Variants in ADAMTS3 observed in about 807,000 individuals in gnomAD.
The protein encoded by ADAMTS3 is A disintegrin and metalloproteinase with thrombospondin motifs 3.
Under a neutral mutation model 129.0 loss-of-function variants are expected in ADAMTS3, and 73 were observed. The ratio of observed to expected loss-of-function variants is 0.57; its 90% CI spans 0.47 to 0.69. The LOEUF is 0.69. ADAMTS3 is among the 30% of genes least tolerant of loss of function. The pLI is 0.00. For missense variants in ADAMTS3, 1,457 were observed against 1,514.5 expected (o/e 0.96, Z 0.63); for synonymous variants, 477 against 510.8 (o/e 0.93, Z 0.89).
intron 4 of ADAMTS3, among the ~76,000 whole-genome samples, chr4:72,383,349 G>A (rs1721349577): frequency 6.6e-6 from 1 of 152,212 alleles, no homozygotes; most frequent in African/African-American, 2.4e-5. Flanking sequence ...ACATGGGTGA[G>A]TTTTCTGATT....
At chr4:72,349,261 A>T (rs1165334206) in intron 4 of ADAMTS3, among the ~76,000 whole-genome samples, 1 of 152,008 alleles carries the variant, frequency 6.6e-6, no homozygotes, top group East Asian at 1.9e-4. Flanking sequence ...ATTAGGCCAC[A>T]ATTTCACTAA....
intron 3 of ADAMTS3, among the ~76,000 whole-genome samples, chr4:72,528,408 A>G (rs978950645): frequency 2.0e-5 from 3 of 151,970 alleles, no homozygotes; most frequent in African/African-American, 7.2e-5. Context: ...ATTGGAAGCA[A>G]TCAATATGTT....
chr4:72,444,383 T>C (rs758493255), intron 3 of ADAMTS3, among the ~76,000 whole-genome samples: 7 of 151,836 alleles, frequency 4.6e-5, no homozygotes, highest in Non-Finnish European at 8.9e-5. Flanking sequence ...TCCTGGACAT[T>C]TAAGGATAAA....
chr4:72,338,258 T>TA (rs1394188677), intron 5 of ADAMTS3, among the ~76,000 whole-genome samples: 1 of 152,166 alleles, frequency 6.6e-6, no homozygotes, highest in African/African-American at 2.4e-5. Context: ...AAAAGGTTAA[T>TA]ATGAAAAGTT....
At chr4:72,443,334 A>G (rs1450928646) in intron 3 of ADAMTS3, among the ~76,000 whole-genome samples, 1 of 151,714 alleles carries the variant, frequency 6.6e-6, no homozygotes, top group East Asian at 2.0e-4. Flanking sequence ...ATACATATTG[A>G]GAGCCTACCA....
At chr4:72,556,063 C>T (rs1248239361) in intron 2 of ADAMTS3, among the ~76,000 whole-genome samples, 1 of 151,690 alleles carries the variant, frequency 6.6e-6, no homozygotes, top group Non-Finnish European at 1.5e-5. Context: ...CCCGCAATTA[C>T]TTTTGCACCA....
chr4:72,524,656 C>A (rs1194726779), intron 3 of ADAMTS3, among the ~76,000 whole-genome samples: 2 of 152,022 alleles, frequency 1.3e-5, no homozygotes, highest in Non-Finnish European at 2.9e-5. Flanking sequence ...CAGACTAACT[C>A]CGGAGTCTGT....
chr4:72,455,617 T>G (rs1338792597), intron 3 of ADAMTS3, among the ~76,000 whole-genome samples: 1 of 69,016 alleles, frequency 1.4e-5, no homozygotes, highest in Admixed American at 2.1e-4. Context: ...GAACTTAAAG[T>G]ATTAAAAAAA....
intron 4 of ADAMTS3, among the ~76,000 whole-genome samples, chr4:72,345,339 C>T (rs1720252341): frequency 6.6e-6 from 1 of 152,144 alleles, no homozygotes; most frequent in Admixed American, 6.6e-5. Flanking sequence ...CATCTATTAA[C>T]ATCAGAAGCA....
Position 72,340,389 on chromosome 4 carries a change from T to A in ADAMTS3, c.662-696A>T, listed in dbSNP as rs1185675925. On this transcript the variant is annotated intron_variant, in intron 4 of 21. Transcript: ENST00000286657. The stretch of plus-strand genomic sequence containing the variant: ...AGTATATAATATACAGGTTATATAT[T>A]ATATATATATGCCAATAAAATATAC... 2.6e-5 allele frequency among the ~76,000 whole-genome samples: 4 copies of A among 151,224 alleles called. No homozygotes were observed. The Admixed American group carries it at 2.6e-4, about 10-fold the overall frequency.
intron 3 of ADAMTS3, among the ~76,000 whole-genome samples, chr4:72,531,656 T>A (rs1417084289): frequency 2.6e-5 from 4 of 152,152 alleles, no homozygotes; most frequent in Non-Finnish European, 5.9e-5. Context: ...CTCTGTTGCC[T>A]TGTGGCACAG....
At chr4:72,283,785 G>C in intron 21 of ADAMTS3, 81 bp from the exon 22 acceptor site, 1 of 1,271,514 alleles carries the variant, frequency 7.9e-7, no homozygotes, top group East Asian at 2.5e-5. Context: ...AATTTTTAAT[G>C]AATGTAAAAA....
chr4:72,558,866 G>A (rs1453631630), intron 2 of ADAMTS3, among the ~76,000 whole-genome samples: 1 of 151,688 alleles, frequency 6.6e-6, no homozygotes, highest in African/African-American at 2.4e-5. Context: ...AATGATTCAA[G>A]CTTATGACTA....
At chr4:72,317,856 G>A (rs890248703) in intron 10 of ADAMTS3, among the ~76,000 whole-genome samples, 1 of 151,912 alleles carries the variant, frequency 6.6e-6, no homozygotes, top group Non-Finnish European at 1.5e-5. Context: ...GTAAAACCCC[G>A]TCTCTACTAA....
chr4:72,373,959 A>C (rs1721078850), intron 4 of ADAMTS3, among the ~76,000 whole-genome samples: 1 of 150,316 alleles, frequency 6.7e-6, no homozygotes. Flanking sequence ...ATAGGAAAGT[A>C]TCTGAGGTGT....
At chr4:72,296,478 A>C (rs997618540) in intron 18 of ADAMTS3, among the ~76,000 whole-genome samples, 1 of 152,094 alleles carries the variant, frequency 6.6e-6, no homozygotes, top group African/African-American at 2.4e-5. Flanking sequence ...ATAAATTTGA[A>C]AAAATTCAAA....
At chr4:72,561,928 C>T (rs1299963193) in intron 2 of ADAMTS3, among the ~76,000 whole-genome samples, 1 of 152,168 alleles carries the variant, frequency 6.6e-6, no homozygotes, top group African/African-American at 2.4e-5. Context: ...TCAGCAAAGT[C>T]ATGTAAACTT....
At position 72,457,316 on chromosome 4, in the gene ADAMTS3, C is replaced by T. The variant is rs189567664; in HGVS notation, c.505-42345G>A. ...TGAAAACCATTAAACACATAAATGA[C>T]AGTAATAGCACTTTAATTGACTTGT... On this transcript the variant is annotated intron_variant, in intron 3 of 21. Transcript: ENST00000286657. Among the ~76,000 whole-genome samples the T allele has an allele frequency of 1.5e-3, 220 of 151,600 alleles. 1 individual carries two copies. The highest frequency in any genetic ancestry group is 0.014 in the East Asian group (71 of 5,112).
At position 72,298,303 on chromosome 4, in the gene ADAMTS3, G is replaced by A. The variant is rs1560462913; in HGVS notation, c.2564C>T (p.Ser855Phe). The A allele has an allele frequency of 2.5e-6, 4 of 1,612,716 alleles. No homozygotes were observed. The South Asian group carries it at 3.3e-5, about 13-fold the overall frequency. Reference sequence around the variant, plus strand: ...TCCACCACAGGGTTTGGAACACTGAGACCAGCTCTTCAAAGCCCACTCAAA... The same window carrying A: ...TCCACCACAGGGTTTGGAACACTGAAACCAGCTCTTCAAAGCCCACTCAAA... ...DTFEWALKSW[S>F]QCSKPCGGGF... The change falls in exon 18 of 22, where the codon TCT becomes TTT. Residue 855 changes from serine to phenylalanine, a missense_variant. Coordinates refer to ENST00000286657, the MANE Select transcript of ADAMTS3 (RefSeq NM_014243.3).
Sources: gnomAD v4.1 joint callset for allele counts (sites outside exome capture counted in the v4.1 genomes callset) on GRCh38, gnomAD v4.1.1 for gene constraint, MANE v1.5 for transcripts, NCBI Gene and HGNC (gene_info 2026-07-23, HGNC 2026-07-21) for gene names.